DLG2: variants seen among roughly 807,000 people sequenced by gnomAD.
The protein encoded by DLG2 is disks large homolog 2.
A neutral mutation model predicts 132.5 loss-of-function variants in DLG2; 45 were observed. The observed-to-expected ratio is 0.34, with a 90% CI of 0.27 to 0.44. The LOEUF is 0.44. Among genes scored for constraint, DLG2 ranks in the 20% least tolerant of loss-of-function variants. DLG2 has a pLI of 1.00. For missense variants in DLG2, 1,045 were observed against 1,196.9 expected (o/e 0.87, Z 1.87); for synonymous variants, 424 against 419.6 (o/e 1.01, Z -0.13).
At chr11:84,724,901 T>C (rs1445191231) in intron 6 of DLG2, among the ~76,000 whole-genome samples, 1 of 152,158 alleles carries the variant, frequency 6.6e-6, no homozygotes, top group Non-Finnish European at 1.5e-5. Context: ...AGCCACTATC[T>C]AATGTTCTCA....
chr11:85,622,581 T>C (rs1165507782), intron 2 of DLG2, among the ~76,000 whole-genome samples: 1 of 140,008 alleles, frequency 7.1e-6, no homozygotes, highest in Non-Finnish European at 1.6e-5. Flanking sequence ...AAACTTTGAA[T>C]AGGGAAAAAA....
intron 3 of DLG2, among the ~76,000 whole-genome samples, chr11:85,589,932 C>T (rs1315627155): frequency 6.6e-6 from 1 of 152,096 alleles, no homozygotes; most frequent in Non-Finnish European, 1.5e-5. Flanking sequence ...ATCACAATTA[C>T]TTTTGCGTAG....
At chr11:85,097,379 C>T (rs1288672808) in intron 6 of DLG2, among the ~76,000 whole-genome samples, 1 of 152,096 alleles carries the variant, frequency 6.6e-6, no homozygotes, top group Non-Finnish European at 1.5e-5. Flanking sequence ...CTCCAAGTCC[C>T]CACCCGACTC....
intron 3 of DLG2, among the ~76,000 whole-genome samples, chr11:85,342,623 T>G (rs1030209110): frequency 1.3e-5 from 2 of 152,204 alleles, no homozygotes; most frequent in African/African-American, 4.8e-5. Flanking sequence ...ACACAGTCAT[T>G]TATTATCATT....
intron 18 of DLG2, among the ~76,000 whole-genome samples, chr11:83,637,524 A>G (rs2065161888): frequency 6.6e-6 from 1 of 152,196 alleles, no homozygotes; most frequent in Non-Finnish European, 1.5e-5. Flanking sequence ...CTGACTTCAC[A>G]AAAGTCATAG....
intron 7 of DLG2, among the ~76,000 whole-genome samples, chr11:84,318,479 A>G (rs2098382016): frequency 6.6e-6 from 1 of 152,196 alleles, no homozygotes; most frequent in Non-Finnish European, 1.5e-5. Context: ...GATGCCATCA[A>G]ATCTACCTTC....
chr11:85,296,467 C>CTTTTTTTTTTTTTTTTTTTTTTATTTT (rs66526147), intron 3 of DLG2, among the ~76,000 whole-genome samples: 2 of 121,548 alleles, frequency 1.6e-5, no homozygotes, highest in African/African-American at 3.1e-5. Flanking sequence ...TTTCGATTTT[C>CTTTTTTTTTTTTTTTTTTTTTTATTTT]TTTTTTTTTT....
intron 18 of DLG2, among the ~76,000 whole-genome samples, chr11:83,767,753 C>CT (rs11303328): frequency 4.6e-5 from 7 of 151,690 alleles, no homozygotes; most frequent in South Asian, 4.2e-4. Flanking sequence ...GCAAGATTAA[C>CT]TTTTTTTTTC....
At chr11:85,220,461 G>C (rs1473631418) in intron 4 of DLG2, among the ~76,000 whole-genome samples, 2 of 151,976 alleles carry the variant, frequency 1.3e-5, no homozygotes, top group East Asian at 3.9e-4. Flanking sequence ...ACAAAGATAA[G>C]AGAGCAGTAG....
intron 6 of DLG2, among the ~76,000 whole-genome samples, chr11:84,661,976 C>A (rs1486913400): frequency 2.0e-5 from 3 of 152,012 alleles, no homozygotes; most frequent in Non-Finnish European, 4.4e-5. Flanking sequence ...TCTGCCCCTC[C>A]CCCATGCATG....
chr11:83,667,449 G>A (rs1305337291), intron 18 of DLG2, among the ~76,000 whole-genome samples: 1 of 152,134 alleles, frequency 6.6e-6, no homozygotes, highest in African/African-American at 2.4e-5. Flanking sequence ...CCGATCCCAA[G>A]GTTTGGATTG....
chr11:84,686,482 C>T (rs1221617897), intron 6 of DLG2, among the ~76,000 whole-genome samples: 2 of 152,050 alleles, frequency 1.3e-5, no homozygotes, highest in Non-Finnish European at 2.9e-5. Flanking sequence ...CTAATCTGTT[C>T]TTATATTAAA....
intron 18 of DLG2, among the ~76,000 whole-genome samples, chr11:83,639,645 A>G (rs2065883779): frequency 6.6e-6 from 1 of 152,074 alleles, no homozygotes; most frequent in African/African-American, 2.4e-5. Context: ...ATTAGGAGAT[A>G]TACCTAATGT....
chr11:83,773,399 A>G (rs2094470746), intron 18 of DLG2, among the ~76,000 whole-genome samples: 1 of 152,232 alleles, frequency 6.6e-6, no homozygotes. Flanking sequence ...TTATATTTCA[A>G]TTAATGTTTC....
intron 6 of DLG2, among the ~76,000 whole-genome samples, chr11:84,823,070 T>G (rs1300838866): frequency 6.6e-6 from 1 of 151,930 alleles, no homozygotes; most frequent in Non-Finnish European, 1.5e-5. Flanking sequence ...TAAAACATCT[T>G]TTTAGCATAT....
intron 5 of DLG2, among the ~76,000 whole-genome samples, chr11:85,134,049 G>A (rs1036888449): frequency 1.3e-5 from 2 of 149,064 alleles, no homozygotes; most frequent in Non-Finnish European, 3.0e-5. Flanking sequence ...GGAGAGTGAG[G>A]GAGAGTGAGA....
intron 3 of DLG2, among the ~76,000 whole-genome samples, chr11:85,472,036 T>C (rs1052291734): frequency 6.6e-6 from 1 of 152,182 alleles, no homozygotes; most frequent in Non-Finnish European, 1.5e-5. Flanking sequence ...GGTGGGTCCC[T>C]GGTGAAACCC....
chr11:84,947,619 G>C (rs948173666), intron 6 of DLG2, among the ~76,000 whole-genome samples: 2 of 152,142 alleles, frequency 1.3e-5, no homozygotes, highest in Non-Finnish European at 2.9e-5. Context: ...CCAAATCCAA[G>C]TGATGGTGGC....
intron 8 of DLG2, among the ~76,000 whole-genome samples, chr11:84,203,398 C>T (rs748193664): frequency 6.6e-6 from 1 of 151,882 alleles, no homozygotes; most frequent in Non-Finnish European, 1.5e-5. Context: ...CTGGCTAACA[C>T]AGTGAAACCC....
Sources: allele counts gnomAD v4.1 joint callset (sites outside exome capture counted in the v4.1 genomes callset), GRCh38; gene constraint gnomAD v4.1.1; transcripts MANE v1.5; gene names NCBI Gene and HGNC (gene_info 2026-07-23, HGNC 2026-07-21).